The following SDK2 variants were observed in gnomAD, a reference collection of about 807,000 sequenced individuals.
SDK2 encodes the protein protein sidekick-2.
Under a neutral mutation model 253.9 loss-of-function variants are expected in SDK2, and 105 were observed. That is an observed-to-expected ratio of 0.41 (90% CI 0.35 to 0.49). The LOEUF is 0.49. Among genes scored for constraint, SDK2 ranks in the 20% least tolerant of loss-of-function variants. SDK2 has a pLI of 0.06. For missense variants in SDK2, 2,608 were observed against 3,003.0 expected (o/e 0.87, Z 3.07); for synonymous variants, 1,249 against 1,234.9 (o/e 1.01, Z -0.24).
At chr17:73,543,832 C>T (rs1186140760) in intron 1 of SDK2, among the ~76,000 whole-genome samples, 1 of 152,234 alleles carries the variant, frequency 6.6e-6, no homozygotes, top group Admixed American at 6.5e-5. Context: ...TGATGCCGCT[C>T]TACAAGTGTG....
At chr17:73,422,167 G>A (rs981423673) in intron 15 of SDK2, 120 bp downstream of exon 15, 12 of 1,105,438 alleles carry the variant, frequency 1.1e-5, no homozygotes, top group South Asian at 7.5e-5. Flanking sequence ...CCCTTCTACA[G>A]AGGCGGAAGC....
In SDK2 at chr17:73,481,696, G is replaced by T. The variant is rs890990696; in HGVS notation, c.225-9478C>A. ...GGAGGGAGGAGGAATGTGCTGTCTT[G>T]GGAGGAGATGCCCATCTTCTCCTGC... is the stretch of plus-strand genomic sequence containing the variant. On this transcript the variant is annotated intron_variant, in intron 2 of 44. Transcript: ENST00000392650. This position sits in a 1 kb window ranked among gnomAD's most constrained non-coding sequence, Gnocchi z 4.5. 6.6e-6 allele frequency among the ~76,000 whole-genome samples: 1 copy of T among 152,144 alleles called. No homozygotes were observed. Among genetic ancestry groups the T allele is most frequent in the African/African-American group, 2.4e-5 (1 of 41,426 alleles).
At position 73,335,307 on chromosome 17, in the gene SDK2, T is replaced by A. The variant is rs1266457161; in HGVS notation, c.*3280A>T. The A allele has an allele frequency of 6.6e-6, 1 of 152,304 alleles. No homozygotes were observed. Among genetic ancestry groups the A allele is most frequent in the African/African-American group, 2.4e-5 (1 of 41,426 alleles). 9.4% of individuals were successfully genotyped at this position (152,304 alleles called of 1,614,324 possible). ...GCTCCTGGGTGCAACACTGGGAGAT[T>A]GCTTAGGGCACAAGGAGGCAATGCC... On this transcript the variant is annotated 3_prime_UTR_variant, in exon 45 of 45. Coordinates refer to ENST00000392650, the MANE Select transcript of SDK2 (RefSeq NM_001144952.2).
intron 27 of SDK2, 85 bp from the exon 28 acceptor site, chr17:73,391,623 A>T (rs1599516422): frequency 1.6e-6 from 1 of 626,256 alleles, no homozygotes; most frequent in Middle Eastern, 4.2e-4. Context: ...GCAGCCTGGC[A>T]GGGTGGAGGG....
chr17:73,498,880 G>A (rs1286828012), intron 2 of SDK2, among the ~76,000 whole-genome samples: 1 of 152,234 alleles, frequency 6.6e-6, no homozygotes, highest in Non-Finnish European at 1.5e-5. Context: ...GAGGGACGCA[G>A]GCTTGGGGTC....
At chr17:73,346,870 G>A (rs546067007) in intron 44 of SDK2, among the ~76,000 whole-genome samples, 43 of 152,282 alleles carry the variant, frequency 2.8e-4, no homozygotes, top group Admixed American at 2.8e-3. Context: ...AGGGGCCCTG[G>A]CCTGTGCAGC....
intron 1 of SDK2, among the ~76,000 whole-genome samples, chr17:73,572,580 T>A (rs766201068): frequency 5.3e-5 from 8 of 152,226 alleles, no homozygotes; most frequent in Non-Finnish European, 1.2e-4. Flanking sequence ...TATTTGCTTA[T>A]CGCCTTCCTA....
chr17:73,632,269 G>A (rs1183615430), intron 1 of SDK2, among the ~76,000 whole-genome samples: 2 of 152,214 alleles, frequency 1.3e-5, no homozygotes, highest in Non-Finnish European at 2.9e-5. Flanking sequence ...TGGCAGAGGT[G>A]GACCCACCCT....
At chr17:73,501,332 CCCCCACCACCTGT>C (rs1019542341) in intron 2 of SDK2, among the ~76,000 whole-genome samples, 10 of 152,162 alleles carry the variant, frequency 6.6e-5, no homozygotes, top group African/African-American at 9.7e-5. Flanking sequence ...TTCTTCCTCC[CCCCCACCACCTGT>C]CCCCAGCACA....
intron 2 of SDK2, among the ~76,000 whole-genome samples, chr17:73,493,371 G>T (rs1282272995): frequency 6.6e-6 from 1 of 152,212 alleles, no homozygotes; most frequent in Non-Finnish European, 1.5e-5. Context: ...TGTTCTGTGC[G>T]GCACATTGGA....
chr17:73,412,054 GTATATGTATATATACGTATATA>G, intron 18 of SDK2, among the ~76,000 whole-genome samples: 1 of 4,732 alleles, frequency 2.1e-4, no homozygotes, highest in South Asian at 2.4e-3. Context: ...ATGTATATAC[GTATATGTATATATACGTATATA>G]TGTATATGTA....
At chr17:73,343,571 C>G (rs1234793625) in intron 44 of SDK2, among the ~76,000 whole-genome samples, 1 of 152,188 alleles carries the variant, frequency 6.6e-6, no homozygotes, top group Non-Finnish European at 1.5e-5. Context: ...GCCAGGCAAT[C>G]AAGTGACTGC....
chr17:73,390,901 T>C (rs1323940243), intron 28 of SDK2, among the ~76,000 whole-genome samples: 1 of 152,196 alleles, frequency 6.6e-6, no homozygotes. Context: ...AGGTCAGGAC[T>C]GAGAACCCTG....
chr17:73,387,748 T>C, intron 30 of SDK2, 88 bp downstream of exon 30: 1 of 1,276,108 alleles, frequency 7.8e-7, no homozygotes, highest in Non-Finnish European at 1.1e-6. Flanking sequence ...GGAGGTGTTT[T>C]CAGAAGGCCC....
chr17:73,527,639 G>T (rs1240729850), intron 1 of SDK2, among the ~76,000 whole-genome samples: 1 of 152,242 alleles, frequency 6.6e-6, no homozygotes, highest in African/African-American at 2.4e-5. Flanking sequence ...AGGCCCTGAA[G>T]TGACATTGCC....
At chr17:73,398,573 TC>T in intron 22 of SDK2, 144 bp from the exon 23 acceptor site, 1 of 629,196 alleles carries the variant, frequency 1.6e-6, no homozygotes, top group Non-Finnish European at 2.8e-6. Flanking sequence ...CTACCATCTT[TC>T]CAGGCCCCTA....
intron 1 of SDK2, among the ~76,000 whole-genome samples, chr17:73,547,526 C>T (rs1323792033): frequency 7.2e-5 from 11 of 152,152 alleles, no homozygotes; most frequent in Admixed American, 1.3e-4. Context: ...GGGTACAGAT[C>T]GGGGGATGGG....
rs777003711 is a variant in SDK2 at position 73,383,853 on chromosome 17, T to C, written c.4705+23A>G. ...TGACCGCCCCCATCCCACCCATTCC[T>C]CTGGCTCCCAAGTGTCACTCACAGG... is the stretch of plus-strand genomic sequence containing the variant. On this transcript the variant is annotated intron_variant, in intron 33 of 44. Coordinates refer to ENST00000392650, the MANE Select transcript of SDK2 (RefSeq NM_001144952.2). The surrounding 1 kb of genome is among the most constrained non-coding windows in gnomAD (Gnocchi z 4.3). 2.5e-6 allele frequency: 4 copies of C among 1,613,454 alleles called. No individual in the cohort carries two copies. Among genetic ancestry groups the C allele is most frequent in the Non-Finnish European group, 3.4e-6 (4 of 1,179,436 alleles).
At chr17:73,457,653 C>T (rs1045767749) in intron 3 of SDK2, among the ~76,000 whole-genome samples, 34 of 151,810 alleles carry the variant, frequency 2.2e-4, no homozygotes, top group African/African-American at 8.0e-4. Flanking sequence ...GCCCAGCCTA[C>T]ATCACCCCAA....
Sources: gnomAD v4.1 joint callset for allele counts (sites outside exome capture counted in the v4.1 genomes callset) on GRCh38, gnomAD v4.1.1 for gene constraint, Gnocchi (gnomAD v3.1) non-coding constraint, MANE v1.5 for transcripts, NCBI Gene and HGNC (gene_info 2026-07-23, HGNC 2026-07-21) for gene names.